NRXN3: variants seen among roughly 807,000 people sequenced by gnomAD.
NRXN3 encodes neurexin III.
Under a neutral mutation model 137.6 loss-of-function variants are expected in NRXN3, and 32 were observed. The ratio of observed to expected loss-of-function variants is 0.23; its 90% CI spans 0.18 to 0.31. The LOEUF is 0.31. Ranked by LOEUF, NRXN3 falls within the 10% of genes least tolerant of loss-of-function variation. The pLI is 1.00. For synonymous variants in NRXN3, 798 were observed against 784.5 expected (o/e 1.02, Z -0.29); for missense variants, 1,574 against 2,062.5 (o/e 0.76, Z 4.59).
In NRXN3 at chr14:79,717,038, A is replaced by G. The variant is rs914012565; in HGVS notation, c.4014+19101A>G. ...TTTAAATGCTATTTTGAGATCATTC[A>G]GAAGACAAGGCTCTTTTTCCTTTTT... On this transcript the variant is annotated intron_variant, in intron 19 of 20. Transcript: ENST00000335750. 3.8e-4 allele frequency among the ~76,000 whole-genome samples: 58 copies of G among 152,208 alleles called. 1 individual carries two copies. The highest frequency in any genetic ancestry group is 7.3e-5 in the Non-Finnish European group (5 of 68,044).
At chr14:79,378,728 C>T (rs2094379884) in intron 15 of NRXN3, among the ~76,000 whole-genome samples, 1 of 152,092 alleles carries the variant, frequency 6.6e-6, no homozygotes, top group Admixed American at 6.6e-5. Flanking sequence ...CCTTAATAAG[C>T]ATTTAATCAT....
intron 16 of NRXN3, among the ~76,000 whole-genome samples, chr14:79,588,522 G>T (rs1454719435): frequency 6.6e-6 from 1 of 152,188 alleles, no homozygotes; most frequent in Admixed American, 6.5e-5. Flanking sequence ...TTGATGAGCT[G>T]TTAGGCAGAT....
At chr14:78,194,408 G>A (rs965393555) in intron 1 of NRXN3, among the ~76,000 whole-genome samples, 1 of 152,210 alleles carries the variant, frequency 6.6e-6, no homozygotes, top group African/African-American at 2.4e-5. Context: ...AGAGCCACCT[G>A]TGTGAGTCTT....
At chr14:78,988,984 C>A (rs2099513065) in intron 15 of NRXN3, among the ~76,000 whole-genome samples, 2 of 152,144 alleles carry the variant, frequency 1.3e-5, no homozygotes, top group Non-Finnish European at 2.9e-5. Context: ...CTGTGGGCAT[C>A]TATAACCTGT....
At chr14:78,421,848 C>A (rs986404521) in intron 4 of NRXN3, among the ~76,000 whole-genome samples, 12 of 152,120 alleles carry the variant, frequency 7.9e-5, no homozygotes, top group African/African-American at 2.9e-4. Context: ...CTATTTACAT[C>A]TTTCTGATTA....
chr14:78,921,454 T>C (rs1286678025), intron 10 of NRXN3, among the ~76,000 whole-genome samples: 1 of 152,220 alleles, frequency 6.6e-6, no homozygotes, highest in Non-Finnish European at 1.5e-5. Flanking sequence ...TAACATCAAT[T>C]AGTAAACTGG....
At chr14:78,346,687 C>T (rs1371968050) in intron 4 of NRXN3, among the ~76,000 whole-genome samples, 1 of 152,194 alleles carries the variant, frequency 6.6e-6, no homozygotes, top group Non-Finnish European at 1.5e-5. Flanking sequence ...GCACTGTCTG[C>T]ACCTGCTCAG....
intron 19 of NRXN3, among the ~76,000 whole-genome samples, chr14:79,755,272 G>C (rs1214028038): frequency 1.3e-5 from 2 of 151,928 alleles, no homozygotes; most frequent in Non-Finnish European, 2.9e-5. Context: ...GTTATACTAT[G>C]TTTTAAAATT....
intron 15 of NRXN3, among the ~76,000 whole-genome samples, chr14:79,094,979 A>T (rs12887143): frequency 0.5 from 58,626 of 116,724 alleles, 14,576 homozygotes; most frequent in African/African-American, 0.6. Context: ...AGAGAGAGAG[A>T]GTGTGTGTGT....
chr14:78,312,897 A>G (rs1409400094), intron 4 of NRXN3, among the ~76,000 whole-genome samples: 1 of 152,210 alleles, frequency 6.6e-6, no homozygotes, highest in Non-Finnish European at 1.5e-5. Context: ...TGTGTTTTCT[A>G]CTATGTGCTC....
At chr14:79,091,797 TAG>T (rs2049251956) in intron 15 of NRXN3, among the ~76,000 whole-genome samples, 1 of 152,002 alleles carries the variant, frequency 6.6e-6, no homozygotes, top group African/African-American at 2.4e-5. Context: ...ATTTACCAAG[TAG>T]GAACAAAAGT....
chr14:79,130,611 A>AT (rs1555780525), intron 15 of NRXN3, among the ~76,000 whole-genome samples: 1 of 151,588 alleles, frequency 6.6e-6, no homozygotes, highest in Non-Finnish European at 1.5e-5. Flanking sequence ...TGCCCTTAAC[A>AT]TTTTTTCCAT....
chr14:79,566,214 T>C (rs2097549056), intron 16 of NRXN3, among the ~76,000 whole-genome samples: 1 of 151,832 alleles, frequency 6.6e-6, no homozygotes, highest in Non-Finnish European at 1.5e-5. Flanking sequence ...ATTAACTCAG[T>C]GGAGCAAATT....
Position 78,633,251 on chromosome 14 carries a change from C to CAAAAAAA in NRXN3, c.758-11858_758-11852dup, listed in dbSNP as rs779442429. On this transcript the variant is annotated intron_variant, in intron 4 of 20. Transcript: ENST00000335750. ...CCTGGGCTACAGAGCGAGACTCTGTCAAAAAAAAAAAAAAAAAGAGACTGG... is the reference window on the plus strand; with the variant it reads ...CCTGGGCTACAGAGCGAGACTCTGTCAAAAAAAAAAAAAAAAAAAAAAAAGAGACTGG... Among the ~76,000 whole-genome samples the CAAAAAAA allele has an allele frequency of 5.7e-4, 39 of 68,056 alleles. 4 individuals carry two copies. Among genetic ancestry groups the CAAAAAAA allele is most frequent in the African/African-American group, 1.7e-3 (24 of 14,052 alleles). 44.6% of individuals were successfully genotyped at this position (68,056 alleles called of 152,430 possible).
chr14:78,970,004 G>A (rs975693994), intron 14 of NRXN3, among the ~76,000 whole-genome samples: 1 of 152,134 alleles, frequency 6.6e-6, no homozygotes, highest in South Asian at 2.1e-4. Context: ...TGGAATAGAC[G>A]TAGCATTTGG....
intron 19 of NRXN3, among the ~76,000 whole-genome samples, chr14:79,703,293 C>G (rs112105702): frequency 6.6e-6 from 1 of 152,084 alleles, no homozygotes; most frequent in South Asian, 2.1e-4. Context: ...AGACTGGAGA[C>G]AGTAAGAAGC....
At chr14:78,908,895 A>G (rs1194061352) in intron 10 of NRXN3, among the ~76,000 whole-genome samples, 1 of 152,164 alleles carries the variant, frequency 6.6e-6, no homozygotes, top group Non-Finnish European at 1.5e-5. Context: ...AGGAGGAACA[A>G]GAAGATCTTA....
chr14:79,147,991 T>G (rs2059450822), intron 15 of NRXN3, among the ~76,000 whole-genome samples: 1 of 152,142 alleles, frequency 6.6e-6, no homozygotes, highest in South Asian at 2.1e-4. Flanking sequence ...TCCTTCTACT[T>G]TCCTGTCTCC....
chr14:78,943,102 C>T (rs2099356295), intron 10 of NRXN3, among the ~76,000 whole-genome samples: 1 of 151,912 alleles, frequency 6.6e-6, no homozygotes, highest in African/African-American at 2.4e-5. Context: ...CAGGGAGCAA[C>T]ACATGTGTAG....
Sources: gnomAD v4.1 joint callset for allele counts (sites outside exome capture counted in the v4.1 genomes callset) on GRCh38, gnomAD v4.1.1 for gene constraint, MANE v1.5 for transcripts, NCBI Gene and HGNC (gene_info 2026-07-23, HGNC 2026-07-21) for gene names.